The following CDKL4 variants were observed in gnomAD, a reference collection of about 807,000 sequenced individuals.
CDKL4 encodes cyclin-dependent kinase-like 4.
Under a neutral mutation model 42.0 loss-of-function variants are expected in CDKL4, and 44 were observed. That is an observed-to-expected ratio of 1.05 (90% CI 0.82 to 1.35). The LOEUF (loss-of-function observed/expected upper bound fraction) is 1.35. Ranked by LOEUF, CDKL4 falls within the 40% of genes most tolerant of loss-of-function variation. The probability of loss-of-function intolerance (pLI) is 0.00; values close to 1 mark genes in which losing one functional copy is unlikely to be tolerated. For synonymous variants in CDKL4, 120 were observed against 121.6 expected (o/e 0.99, Z 0.09); for missense variants, 393 against 369.9 (o/e 1.06, Z -0.51).
chr2:39,169,790 C>A, the CDKL4 span, among the ~76,000 whole-genome samples: 3 of 152,046 alleles, frequency 2.0e-5, no homozygotes, highest in Non-Finnish European at 4.4e-5. Flanking sequence ...CTCTAATGAC[C>A]ACTCTTATTA....
intron 3 of CDKL4, among the ~76,000 whole-genome samples, chr2:39,215,731 A>C (rs1257749894): frequency 6.6e-6 from 1 of 152,232 alleles, no homozygotes; most frequent in Non-Finnish European, 1.5e-5. Flanking sequence ...AAGTATATGC[A>C]GAGAAACAGC....
downstream of CDKL4, among the ~76,000 whole-genome samples, chr2:39,172,643 A>G (rs1229258304): frequency 6.6e-6 from 1 of 152,058 alleles, no homozygotes; most frequent in African/African-American, 2.4e-5. Context: ...GTGCAGTGGT[A>G]TGATCTCAGC....
At position 39,201,296 on chromosome 2, in the gene CDKL4, C is replaced by T. The variant is rs369699917; in HGVS notation, c.454+3231G>A. 9.5e-4 allele frequency among the ~76,000 whole-genome samples: 65 copies of T among 68,584 alleles called. 1 individual carries two copies. Among genetic ancestry groups the T allele is most frequent in the African/African-American group, 2.1e-3 (62 of 28,952 alleles). The allele number at this position is 68,584 out of a possible 152,430, so 45.0% of individuals were successfully genotyped here. ...TTACTCCTGCAAGAATGGCTATAACCAAAAAAATAAAAAAAAAAAAACTAC... is the reference window on the plus strand; with the variant it reads ...TTACTCCTGCAAGAATGGCTATAACTAAAAAAATAAAAAAAAAAAAACTAC... On this transcript the variant is annotated intron_variant, in intron 5 of 9. Coordinates refer to ENST00000451199, the Ensembl canonical transcript of CDKL4.
chr2:39,205,759 CAAA>C (rs1167041058), intron 4 of CDKL4, among the ~76,000 whole-genome samples: 4 of 78,690 alleles, frequency 5.1e-5, no homozygotes, highest in African/African-American at 1.4e-4. Flanking sequence ...GACTCCGTCT[CAAA>C]AAAAAAAAAA....
At chr2:39,238,875 C>T (rs567467140) in intron 1 of CDKL4, among the ~76,000 whole-genome samples, 4 of 152,202 alleles carry the variant, frequency 2.6e-5, no homozygotes, top group Non-Finnish European at 4.4e-5. Context: ...CCTCAGTCTC[C>T]CAAGTAGCTG....
intron 5 of CDKL4, among the ~76,000 whole-genome samples, chr2:39,194,273 A>T (rs1676375959): frequency 6.6e-6 from 1 of 152,208 alleles, no homozygotes; most frequent in South Asian, 2.1e-4. Context: ...CCTGGGCCCC[A>T]TGGTGAAACA....
chr2:39,216,062 G>A (rs965931514), intron 3 of CDKL4, among the ~76,000 whole-genome samples: 1 of 152,186 alleles, frequency 6.6e-6, no homozygotes, highest in African/African-American at 2.4e-5. Context: ...CAGGTTGCTT[G>A]AGTTCAAATC....
At chr2:39,189,508 A>G (rs1204186781) in intron 6 of CDKL4, among the ~76,000 whole-genome samples, 1 of 152,250 alleles carries the variant, frequency 6.6e-6, no homozygotes, top group Admixed American at 6.5e-5. Flanking sequence ...CTTAAGTACT[A>G]TACAAAGAAG....
At position 39,178,491 on chromosome 2, in the gene CDKL4, C is replaced by A. The variant is rs371174627; in HGVS notation, c.927+696G>T. ...CTGTGTCAGATACTGTTTTAGGTGC[C>A]GGGTTTACAAGGTGAGAAAAAGCCC... On this transcript the variant is annotated intron_variant, in intron 9 of 9. Coordinates refer to ENST00000451199, the Ensembl canonical transcript of CDKL4. 11 of 1,412,748 alleles carry A rather than the reference C, an allele frequency of 7.8e-6. No homozygotes were observed. In the African/African-American group the frequency reaches 1.1e-4, roughly 15 times the overall value. 87.5% of individuals were successfully genotyped at this position (1,412,748 alleles called of 1,614,324 possible). A position where few individuals can be genotyped will look rare whatever the true frequency, so the allele number is the denominator to read the frequency against.
At position 39,185,343 on chromosome 2, in the gene CDKL4, T is replaced by C. The variant is rs192364041; in HGVS notation, c.736-696A>G. ...ATATATATACACATATGTATATATA[T>C]ACACATATGTATATATACATATATA... is the stretch of plus-strand genomic sequence containing the variant. On this transcript the variant is annotated intron_variant, in intron 7 of 9. Transcript: ENST00000451199. Among the ~76,000 whole-genome samples, 271 of 88,336 alleles carry C rather than the reference T, an allele frequency of 3.1e-3. 56 individuals are homozygous for C. The highest frequency in any genetic ancestry group is 0.011 in the African/African-American group (233 of 20,438). The allele number at this position is 88,336 out of a possible 152,430, so 58.0% of individuals were successfully genotyped here. A position where few individuals can be genotyped will look rare whatever the true frequency, so the allele number is the denominator to read the frequency against.
At chr2:39,234,091 T>G (rs1679231149) in intron 1 of CDKL4, among the ~76,000 whole-genome samples, 2 of 151,764 alleles carry the variant, frequency 1.3e-5, no homozygotes, top group Non-Finnish European at 2.9e-5. Flanking sequence ...TTTTTGTATT[T>G]TTTAGTACAG....
At chr2:39,214,603 T>C (rs1246881415) in intron 3 of CDKL4, among the ~76,000 whole-genome samples, 1 of 152,246 alleles carries the variant, frequency 6.6e-6, no homozygotes, top group Admixed American at 6.5e-5. Flanking sequence ...CTGAGACCAA[T>C]GGTAGGCACC....
intron 5 of CDKL4, among the ~76,000 whole-genome samples, chr2:39,197,353 A>C (rs750370656): frequency 6.6e-6 from 1 of 151,562 alleles, no homozygotes; most frequent in Non-Finnish European, 1.5e-5. Context: ...GAAACCTAAG[A>C]ATAATTGGTG....
chr2:39,169,080 T>A, the CDKL4 span, among the ~76,000 whole-genome samples: 1 of 152,156 alleles, frequency 6.6e-6, no homozygotes, highest in African/African-American at 2.4e-5. Context: ...GAAACAAAAA[T>A]GTACACAATT....
chr2:39,178,648 A>T, intron 9 of CDKL4: 1 of 1,595,254 alleles, frequency 6.3e-7, no homozygotes. Context: ...CTGTTCTGCA[A>T]TATTGGCCCA....
intron 3 of CDKL4, among the ~76,000 whole-genome samples, chr2:39,216,064 G>A (rs529014790): frequency 2.0e-5 from 3 of 152,180 alleles, no homozygotes; most frequent in Admixed American, 2.0e-4. Context: ...GGTTGCTTGA[G>A]TTCAAATCCC....
At chr2:39,188,513 G>A (rs1404042112) in intron 6 of CDKL4, among the ~76,000 whole-genome samples, 1 of 112,436 alleles carries the variant, frequency 8.9e-6, no homozygotes, top group Non-Finnish European at 1.6e-5. Context: ...AGTGAGCCAA[G>A]ATCACACCAC....
rs778997560 is a variant in CDKL4 at position 39,225,961 on chromosome 2, C to T, written c.169-1G>A. ...TCACAAGATTTGGATGTTTTAATTG[C>T]TGTGAAAGAATTGAAATGCAAAGTT... On this transcript the variant is annotated splice_acceptor_variant, in intron 2 of 9. Coordinates refer to ENST00000451199, the Ensembl canonical transcript of CDKL4. LOFTEE classifies it high-confidence loss of function. The T allele has an allele frequency of 5.6e-6, 9 of 1,606,580 alleles. No homozygotes were observed. The highest frequency in any genetic ancestry group is 1.7e-5 in the Admixed American group (1 of 58,720).
At chr2:39,193,270 TA>T (rs1191502183) in intron 5 of CDKL4, among the ~76,000 whole-genome samples, 439 of 135,966 alleles carry the variant, frequency 3.2e-3, no homozygotes, top group Middle Eastern at 3.7e-3. Context: ...CTCTCTCTGT[TA>T]AAAAAAAAAA....
Sources: gnomAD v4.1 joint callset for allele counts (sites outside exome capture counted in the v4.1 genomes callset) on GRCh38, gnomAD v4.1.1 for gene constraint, MANE v1.5 for transcripts, NCBI Gene and HGNC (gene_info 2026-07-23, HGNC 2026-07-21) for gene names.